Variants in TCAIM observed in about 807,000 individuals in gnomAD.
The protein encoded by TCAIM is T-cell activation inhibitor, mitochondrial.
TCAIM carries 36 observed loss-of-function variants against 58.6 expected under a neutral mutation model. That is an observed-to-expected ratio of 0.61 (90% CI 0.47 to 0.81). The LOEUF is 0.81. TCAIM is among the 30% of genes least tolerant of loss of function. TCAIM has a pLI of 0.00. For missense variants in TCAIM, 466 were observed against 579.6 expected (o/e 0.80, Z 2.01); for synonymous variants, 172 against 193.6 (o/e 0.89, Z 0.93).
chr3:44,398,956 C>A (rs1701981990), intron 8 of TCAIM, among the ~76,000 whole-genome samples: 2 of 151,874 alleles, frequency 1.3e-5, no homozygotes, highest in African/African-American at 4.8e-5. Context: ...TTACATAACA[C>A]CCTTGAAATA....
chr3:44,396,144 T>C (rs1701929679), intron 6 of TCAIM, among the ~76,000 whole-genome samples: 1 of 152,274 alleles, frequency 6.6e-6, no homozygotes, highest in Non-Finnish European at 1.5e-5. Flanking sequence ...AAACATCTTA[T>C]ATTTGCTTAT....
chr3:44,370,165 G>GTCCCTCTGA (rs1380848082), intron 5 of TCAIM, among the ~76,000 whole-genome samples: 4 of 152,200 alleles, frequency 2.6e-5, no homozygotes, highest in Middle Eastern at 6.8e-3. Flanking sequence ...CAAAAAACAA[G>GTCCCTCTGA]TCCCTCTGAC....
At chr3:44,360,900 G>A (rs745328250) in intron 3 of TCAIM, among the ~76,000 whole-genome samples, 1 of 152,122 alleles carries the variant, frequency 6.6e-6, no homozygotes, top group Non-Finnish European at 1.5e-5. Context: ...GAGCCACCAC[G>A]TCCAGCCTTC....
chr3:44,360,442 G>T (rs1701276599), intron 3 of TCAIM, among the ~76,000 whole-genome samples: 1 of 151,428 alleles, frequency 6.6e-6, no homozygotes, highest in Admixed American at 6.6e-5. Flanking sequence ...GGATTTTTGG[G>T]TTTTTTAAAA....
intron 5 of TCAIM, among the ~76,000 whole-genome samples, chr3:44,384,343 G>C (rs57884341): frequency 0.15 from 22,386 of 152,140 alleles, 1,688 homozygotes; most frequent in Admixed American, 0.17. Flanking sequence ...GATCAGGAAG[G>C]TATTCTTTTC....
chr3:44,346,142 C>A (rs930263354), intron 1 of TCAIM, among the ~76,000 whole-genome samples: 3 of 152,180 alleles, frequency 2.0e-5, no homozygotes, highest in African/African-American at 7.2e-5. Context: ...GGAGGCTGAG[C>A]TTGGCGAGGT....
chr3:44,352,965 A>G (rs1701122325), intron 1 of TCAIM, among the ~76,000 whole-genome samples: 2 of 136,200 alleles, frequency 1.5e-5, no homozygotes, highest in African/African-American at 5.5e-5. Context: ...CGTGTTGCCC[A>G]TACTGGAGTG....
chr3:44,374,526 C>T (rs1295210654), intron 5 of TCAIM, among the ~76,000 whole-genome samples: 1 of 151,844 alleles, frequency 6.6e-6, no homozygotes, highest in African/African-American at 2.4e-5. Context: ...GAGGCCAAGG[C>T]GGGAGGATTG....
At chr3:44,378,617 C>A (rs1701604363) in intron 5 of TCAIM, among the ~76,000 whole-genome samples, 2 of 151,776 alleles carry the variant, frequency 1.3e-5, no homozygotes, top group Admixed American at 1.3e-4. Flanking sequence ...TCAAGAACAG[C>A]CTGGCCAACA....
chr3:44,384,595 C>CA (rs1412499535), intron 5 of TCAIM, among the ~76,000 whole-genome samples: 1 of 152,182 alleles, frequency 6.6e-6, no homozygotes, highest in East Asian at 1.9e-4. Context: ...TTAGGGAGCT[C>CA]AGAAAGATTT....
At chr3:44,383,525 G>A (rs374107267) in intron 5 of TCAIM, among the ~76,000 whole-genome samples, 15 of 152,200 alleles carry the variant, frequency 9.9e-5, no homozygotes, top group African/African-American at 2.2e-4. Context: ...ATAGAACAGC[G>A]GTTGCCAGGG....
chr3:44,399,154 C>T (rs1469228551), intron 8 of TCAIM, among the ~76,000 whole-genome samples: 1 of 152,050 alleles, frequency 6.6e-6, no homozygotes, highest in African/African-American at 2.4e-5. Flanking sequence ...CAAACGCATG[C>T]AAGTAAAACT....
In TCAIM at chr3:44,407,439, T is replaced by C. The variant is rs371698665; in HGVS notation, c.1251-3T>C. On this transcript the variant is annotated splice_polypyrimidine_tract_variant and splice_region_variant and intron_variant, in intron 10 of 10. Coordinates refer to ENST00000342649, the MANE Select transcript of TCAIM (RefSeq NM_173826.4). ...GACAATATTTTTATTTTCTATATAA[T>C]AGGTTAAAGGTTATTGAAAATGAAT... The C allele has an allele frequency of 1.4e-5, 20 of 1,464,322 alleles. No individual in the cohort carries two copies. The highest frequency in any genetic ancestry group is 2.8e-5 in the African/African-American group (2 of 70,338). The allele number at this position is 1,464,322 out of a possible 1,614,324, so 90.7% of individuals were successfully genotyped here.
In TCAIM at chr3:44,401,254, A is replaced by T; in HGVS notation, c.1170A>T (p.Thr390=). 2 of 1,613,922 alleles carry T rather than the reference A, an allele frequency of 1.2e-6. No homozygotes were observed. The highest frequency in any genetic ancestry group is 1.7e-6 in the Non-Finnish European group (2 of 1,179,968). The change falls in exon 10 of 11, where the codon ACA becomes ACT. Residue 390 remains threonine, a synonymous_variant. Transcript: ENST00000342649. ...AACTCGGGCATTTTAATATTCCAAC[A>T]CTCTGTGATCCAGCAAATCTCCAGT... is the stretch of plus-strand genomic sequence containing the variant. The part of the protein sequence containing the change: ...LHELGHFNIP[T]LCDPANLQWF...
intron 5 of TCAIM, among the ~76,000 whole-genome samples, chr3:44,383,211 G>T (rs541844730): frequency 6.6e-6 from 1 of 152,162 alleles, no homozygotes; most frequent in Non-Finnish European, 1.5e-5. Context: ...TAGATTTACC[G>T]TAAAATTGAG....
intron 3 of TCAIM, chr3:44,358,655 C>T: frequency 2.8e-6 from 2 of 703,008 alleles, no homozygotes; most frequent in Non-Finnish European, 3.5e-6. Context: ...ATATGAGAGA[C>T]TTGAGCATTC....
At chr3:44,402,496 G>A (rs1702035721) in intron 10 of TCAIM, among the ~76,000 whole-genome samples, 1 of 152,166 alleles carries the variant, frequency 6.6e-6, no homozygotes, top group Non-Finnish European at 1.5e-5. Flanking sequence ...ATAGCCAACA[G>A]TTTCCTGTTT....
chr3:44,388,421 A>T (rs1157193522), intron 5 of TCAIM, among the ~76,000 whole-genome samples: 3 of 152,094 alleles, frequency 2.0e-5, no homozygotes, highest in African/African-American at 7.2e-5. Context: ...CCATTTGTTT[A>T]TCTGATGTTT....
chr3:44,380,241 T>C (rs1701633870), intron 5 of TCAIM, among the ~76,000 whole-genome samples: 1 of 152,166 alleles, frequency 6.6e-6, no homozygotes, highest in Non-Finnish European at 1.5e-5. Context: ...TAGTTTACAA[T>C]CATCAATCGT....
Sources: gnomAD v4.1 joint callset for allele counts (sites outside exome capture counted in the v4.1 genomes callset) on GRCh38, gnomAD v4.1.1 for gene constraint, MANE v1.5 for transcripts, NCBI Gene and HGNC (gene_info 2026-07-23, HGNC 2026-07-21) for gene names.